The following SPMIP11 variants were observed in gnomAD, a reference collection of about 807,000 sequenced individuals.
SPMIP11 encodes sperm microtubule inner protein 11.
chr12:48,761,694 C>T, the SPMIP11 span, among the ~76,000 whole-genome samples: 68 of 145,554 alleles, frequency 4.7e-4, 1 homozygote, highest in African/African-American at 1.5e-3. Context: ...CATCACATAG[C>T]GTATGATGCC....
the SPMIP11 span, among the ~76,000 whole-genome samples, chr12:48,749,596 T>C: frequency 1.3e-4 from 16 of 125,068 alleles, no homozygotes; most frequent in Non-Finnish European, 2.5e-4. Flanking sequence ...GATCATGCCA[T>C]TGCACTCCAG....
At chr12:48,745,877 C>T in the SPMIP11 span, among the ~76,000 whole-genome samples, 2 of 152,068 alleles carry the variant, frequency 1.3e-5, no homozygotes, top group Non-Finnish European at 2.9e-5. Context: ...CATATACTCA[C>T]ATATATAAAC....
chr12:48,764,835 C>T, the SPMIP11 span: 1 of 701,438 alleles, frequency 1.4e-6, no homozygotes, highest in Non-Finnish European at 2.6e-6. Flanking sequence ...ACCTGCCCTT[C>T]CCCCCACCCA....
chr12:48,744,421 CAAACA>C, the SPMIP11 span, among the ~76,000 whole-genome samples: 1 of 151,924 alleles, frequency 6.6e-6, no homozygotes, highest in Non-Finnish European at 1.5e-5. Flanking sequence ...AATAAACAAA[CAAACA>C]AAAGACTTGT....
chr12:48,729,961 T>G, the SPMIP11 span, among the ~76,000 whole-genome samples: 1 of 152,078 alleles, frequency 6.6e-6, no homozygotes, highest in East Asian at 1.9e-4. Context: ...AAAGAGGAGC[T>G]CTTCTCTACC....
the SPMIP11 span, chr12:48,768,800 A>C: frequency 6.4e-7 from 1 of 1,568,316 alleles, no homozygotes; most frequent in African/African-American, 1.4e-5. Context: ...TAGTCAGGCT[A>C]GCTCCCTTCC....
the SPMIP11 span, chr12:48,771,084 G>T: frequency 2.9e-6 from 3 of 1,047,980 alleles, no homozygotes; most frequent in Non-Finnish European, 2.8e-6. The surrounding 1 kb of genome is among the most constrained non-coding windows in gnomAD (Gnocchi z 4.3). Context: ...TGTCTCAAGA[G>T]CCCCCTTCCA....
chr12:48,770,829 G>A, the SPMIP11 span: 81 of 1,614,080 alleles, frequency 5.0e-5, no homozygotes, highest in Non-Finnish European at 6.4e-5. Flanking sequence ...TCCATGAGCC[G>A]CATGGCGTAG....
the SPMIP11 span, among the ~76,000 whole-genome samples, chr12:48,751,638 AAG>A: frequency 6.6e-6 from 1 of 152,146 alleles, no homozygotes; most frequent in Non-Finnish European, 1.5e-5. Context: ...CAAGTATCCA[AAG>A]ATGTTCAAAT....
chr12:48,735,633 C>T, the SPMIP11 span, among the ~76,000 whole-genome samples: 1 of 152,086 alleles, frequency 6.6e-6, no homozygotes, highest in South Asian at 2.1e-4. Context: ...CATGGTGGCT[C>T]ACACCTGTAA....
the SPMIP11 span, among the ~76,000 whole-genome samples, chr12:48,741,495 C>T: frequency 6.6e-6 from 1 of 152,066 alleles, no homozygotes; most frequent in African/African-American, 2.4e-5. Flanking sequence ...TCCATCATAT[C>T]GGGAGGCTCA....
the SPMIP11 span, among the ~76,000 whole-genome samples, chr12:48,732,656 G>C: frequency 6.6e-6 from 1 of 151,866 alleles, no homozygotes; most frequent in South Asian, 2.1e-4. Context: ...TGTAATCTCA[G>C]CTACTCGGGA....
chr12:48,756,292 C>G, the SPMIP11 span, among the ~76,000 whole-genome samples: 1 of 152,086 alleles, frequency 6.6e-6, no homozygotes, highest in Non-Finnish European at 1.5e-5. Context: ...GTTGCTATAA[C>G]CTGTGATGAA....
At chr12:48,757,661 A>AAT in the SPMIP11 span, among the ~76,000 whole-genome samples, 46 of 71,922 alleles carry the variant, frequency 6.4e-4, no homozygotes, top group African/African-American at 3.5e-3. Flanking sequence ...AATAAAAATA[A>AAT]AAATAAAATA....
At chr12:48,756,991 G>A in the SPMIP11 span, among the ~76,000 whole-genome samples, 2 of 151,916 alleles carry the variant, frequency 1.3e-5, no homozygotes, top group Admixed American at 1.3e-4. Flanking sequence ...GGCCAGGCTG[G>A]TCTCAAACTT....
chr12:48,757,510 G>A, the SPMIP11 span, among the ~76,000 whole-genome samples: 6 of 151,710 alleles, frequency 4.0e-5, no homozygotes, highest in Non-Finnish European at 8.8e-5. Flanking sequence ...GCCAGGCGTG[G>A]TGGTGAGCGC....
chr12:48,742,277 C>CTTTTTTTTTTTTTTTTT, the SPMIP11 span, among the ~76,000 whole-genome samples: 107 of 87,196 alleles, frequency 1.2e-3, 1 homozygote, highest in Non-Finnish European at 1.5e-3. Context: ...CTTTTCTTTT[C>CTTTTTTTTTTTTTTTTT]CTTTTTTTTT....
chr12:48,736,349 T>C, the SPMIP11 span, among the ~76,000 whole-genome samples: 1 of 149,258 alleles, frequency 6.7e-6, no homozygotes, highest in East Asian at 2.0e-4. Context: ...GAGACAGAGG[T>C]TGCAGTGAGC....
chr12:48,740,969 C>T, the SPMIP11 span, among the ~76,000 whole-genome samples: 1 of 151,952 alleles, frequency 6.6e-6, no homozygotes, highest in Non-Finnish European at 1.5e-5. Context: ...ATTTTTCCTT[C>T]CAGGATCCAG....
Sources: allele counts gnomAD v4.1 joint callset (sites outside exome capture counted in the v4.1 genomes callset), GRCh38; gene constraint gnomAD v4.1.1; non-coding constraint Gnocchi (gnomAD v3.1); transcripts MANE v1.5; gene names NCBI Gene and HGNC (gene_info 2026-07-23, HGNC 2026-07-21).